The following NFAM1 variants were observed in gnomAD, a reference collection of about 807,000 sequenced individuals.
NFAM1 encodes the protein NFAT activation molecule 1.
A neutral mutation model predicts 29.0 loss-of-function variants in NFAM1; 17 were observed. The ratio of observed to expected loss-of-function variants is 0.59; its 90% CI spans 0.40 to 0.88. NFAM1 has a LOEUF of 0.88. Among genes scored for constraint, NFAM1 ranks in the 40% least tolerant of loss-of-function variants. NFAM1 has a pLI of 0.00. For synonymous variants in NFAM1, 175 were observed against 147.2 expected, an observed-to-expected ratio of 1.19 and a Z score of -1.36; for missense variants, 324 against 344.6, an observed-to-expected ratio of 0.94 and a Z score of 0.47.
rs117463610 is a variant in NFAM1, at chr22:42,399,934, G to T, written c.565-1978C>A. ...CCACCCCCAGTCACAGCACATAATGGCTCAGAGCATGGAGCCAGGTAGGGT... is the reference window on the plus strand; with the variant it reads ...CCACCCCCAGTCACAGCACATAATGTCTCAGAGCATGGAGCCAGGTAGGGT... On this transcript the variant is annotated intron_variant, in intron 3 of 5. Coordinates refer to ENST00000329021, the MANE Select transcript of NFAM1 (RefSeq NM_145912.8). Among the ~76,000 whole-genome samples the T allele has an allele frequency of 7.7e-4, 117 of 152,346 alleles. 4 individuals are homozygous for T. In the East Asian group the frequency reaches 0.021, roughly 27 times the overall value.
chr22:42,434,796 C>T (rs893757027), upstream of NFAM1, among the ~76,000 whole-genome samples: 2 of 152,226 alleles, frequency 1.3e-5, no homozygotes, highest in Admixed American at 1.3e-4. Flanking sequence ...GTGGCACAGC[C>T]TTCGAGCTAG....
At position 42,412,268 on chromosome 22, in the gene NFAM1, G is replaced by A. The variant is rs375032070; in HGVS notation, c.122-532C>T. Among the ~76,000 whole-genome samples the A allele has an allele frequency of 6.5e-4, 99 of 151,364 alleles. 2 individuals are homozygous for A. The highest frequency in any genetic ancestry group is 2.3e-3 in the African/African-American group (94 of 41,318). ...AAAAGAAAGACAAGTCTCGTGCATC[G>A]TGTGAGCTTACCTCTGCAGGTGCAG... is the stretch of plus-strand genomic sequence containing the variant. On this transcript the variant is annotated intron_variant, in intron 1 of 5. Coordinates refer to ENST00000329021, the MANE Select transcript of NFAM1 (RefSeq NM_145912.8).
At chr22:42,391,945 CAAA>C (rs58006775) in intron 4 of NFAM1, among the ~76,000 whole-genome samples, 2,370 of 68,850 alleles carry the variant, frequency 0.034, 49 homozygotes, top group African/African-American at 0.11. Context: ...GACTCTGTCT[CAAA>C]AAAAAAAAAA....
chr22:42,421,542 C>T (rs1005083493), intron 1 of NFAM1, among the ~76,000 whole-genome samples: 1 of 152,142 alleles, frequency 6.6e-6, no homozygotes, highest in Admixed American at 6.5e-5. Flanking sequence ...CAATCTCCCC[C>T]GTCCCTCACA....
At chr22:42,437,766 A>G in the NFAM1 span, among the ~76,000 whole-genome samples, 1 of 152,182 alleles carries the variant, frequency 6.6e-6, no homozygotes, top group Non-Finnish European at 1.5e-5. Context: ...AGCAAGATCA[A>G]GATAGGGCTT....
intron 1 of NFAM1, among the ~76,000 whole-genome samples, chr22:42,422,218 C>A (rs1345573900): frequency 6.6e-6 from 1 of 152,182 alleles, no homozygotes; most frequent in Non-Finnish European, 1.5e-5. Context: ...CTCGGGGACA[C>A]AAACCAAGTG....
intron 3 of NFAM1, among the ~76,000 whole-genome samples, chr22:42,407,903 CTTTTTTTTTTTTT>C (rs61407898): frequency 2.9e-5 from 3 of 103,312 alleles, no homozygotes; most frequent in Non-Finnish European, 5.7e-5. Flanking sequence ...ACAGATTTCT[CTTTTTTTTTTTTT>C]TTTTTTTTTG....
chr22:42,412,673 G>A (rs1930135031), intron 1 of NFAM1, among the ~76,000 whole-genome samples: 1 of 152,230 alleles, frequency 6.6e-6, no homozygotes. Context: ...CAGAGAGGGA[G>A]GCAGGTCTGC....
At chr22:42,393,393 T>C (rs1167495695) in intron 4 of NFAM1, among the ~76,000 whole-genome samples, 3 of 151,534 alleles carry the variant, frequency 2.0e-5, no homozygotes, top group Non-Finnish European at 2.9e-5. Context: ...AAAAAATTAT[T>C]TATTTATTTA....
the NFAM1 span, among the ~76,000 whole-genome samples, chr22:42,437,627 G>A: frequency 1.2e-3 from 187 of 152,280 alleles, 2 homozygotes; most frequent in South Asian, 3.1e-3. Flanking sequence ...CACGCAGGAC[G>A]GCCCCAGGGT....
intron 4 of NFAM1, among the ~76,000 whole-genome samples, chr22:42,395,051 A>T (rs994231586): frequency 6.6e-6 from 1 of 152,166 alleles, no homozygotes; most frequent in Non-Finnish European, 1.5e-5. Context: ...TCTCACACTC[A>T]TAGTCCCAGC....
At position 42,411,401 on chromosome 22, in the gene NFAM1, C is replaced by A. The variant is rs377343892; in HGVS notation, c.451+6G>T. On this transcript the variant is annotated splice_donor_region_variant and intron_variant, in intron 2 of 5. Transcript: ENST00000329021. ...TGCCCTGGAAGAGCCACAGAGGAAG[C>A]CTTACCTCTGACCAGGATGAAGGTG... 2.2e-5 allele frequency: 35 copies of A among 1,605,730 alleles called. No individual in the cohort carries two copies. The highest frequency in any genetic ancestry group is 2.8e-5 in the Non-Finnish European group (33 of 1,173,672).
In NFAM1 at chr22:42,385,151, G is replaced by A. The variant is rs1244692088; in HGVS notation, c.*10C>T. 3.7e-6 allele frequency: 6 copies of A among 1,608,708 alleles called. No homozygotes were observed. Among genetic ancestry groups the A allele is most frequent in the Non-Finnish European group, 5.1e-6 (6 of 1,175,222 alleles). On this transcript the variant is annotated 3_prime_UTR_variant, in exon 6 of 6. Transcript: ENST00000329021. Reference sequence around the variant, plus strand: ...ACCCAGGGCAAGCTCTATGAGCGGTGGAGCCCATCCTAGAGATTTTCATAG... The same window carrying A: ...ACCCAGGGCAAGCTCTATGAGCGGTAGAGCCCATCCTAGAGATTTTCATAG...
At chr22:42,393,878 C>A (rs573562418) in intron 4 of NFAM1, among the ~76,000 whole-genome samples, 2 of 151,744 alleles carry the variant, frequency 1.3e-5, no homozygotes. Flanking sequence ...GTTTTTAATC[C>A]TTTTGAATTT....
intron 5 of NFAM1, among the ~76,000 whole-genome samples, chr22:42,386,103 G>A (rs752197896): frequency 7.2e-5 from 11 of 152,098 alleles, no homozygotes; most frequent in Non-Finnish European, 4.4e-5. Context: ...GGCCGGGCGC[G>A]GTGCCTCACA....
intron 1 of NFAM1, among the ~76,000 whole-genome samples, chr22:42,431,933 C>T (rs1306611037): frequency 6.6e-6 from 1 of 152,190 alleles, no homozygotes. Context: ...CGCCCCTGGC[C>T]CCAGCCACAC....
intron 1 of NFAM1, among the ~76,000 whole-genome samples, chr22:42,417,120 G>A (rs1930286535): frequency 6.6e-6 from 1 of 152,196 alleles, no homozygotes; most frequent in African/African-American, 2.4e-5. Context: ...GGACGGACAA[G>A]GAAGGGGTCT....
intron 1 of NFAM1, among the ~76,000 whole-genome samples, chr22:42,413,922 T>C (rs1426089666): frequency 6.6e-6 from 1 of 152,042 alleles, no homozygotes; most frequent in Non-Finnish European, 1.5e-5. Context: ...GGTGTGGTGG[T>C]GGGCACCTGT....
chr22:42,422,821 G>A (rs1193607876), intron 1 of NFAM1, among the ~76,000 whole-genome samples: 1 of 151,630 alleles, frequency 6.6e-6, no homozygotes, highest in African/African-American at 2.4e-5. Flanking sequence ...GCAAAATGAA[G>A]TGAGGGGAAC....
Sources: gnomAD v4.1 joint callset for allele counts (sites outside exome capture counted in the v4.1 genomes callset) on GRCh38, gnomAD v4.1.1 for gene constraint, MANE v1.5 for transcripts, NCBI Gene and HGNC (gene_info 2026-07-23, HGNC 2026-07-21) for gene names.